Variants in C1R observed in about 807,000 individuals in gnomAD.
The protein encoded by C1R is complement C1r.
In C1R, 15 loss-of-function variants were observed where a neutral mutation model predicts 27.6. The observed-to-expected ratio is 0.54, with a 90% CI of 0.36 to 0.84. C1R has a LOEUF of 0.84. Among genes scored for constraint, C1R ranks in the 40% least tolerant of loss-of-function variants. The pLI, the probability that C1R is intolerant of heterozygous loss-of-function variation, is 0.01. For missense variants in C1R, 544 were observed against 577.9 expected (o/e 0.94, Z 0.60); for synonymous variants, 253 against 228.8 (o/e 1.11, Z -0.95).
At chr12:7,089,233 G>A (rs753916613) in intron 5 of C1R, 60 bp downstream of exon 5, 11 of 746,086 alleles carry the variant, frequency 1.5e-5, no homozygotes, top group Non-Finnish European at 2.7e-5. Context: ...GTTGGGACAA[G>A]AGGAGCCAAG....
At position 7,091,656 on chromosome 12, in the gene C1R, C is replaced by G; in HGVS notation, c.27G>C (p.Pro9=). 1 of 747,120 alleles carries G rather than the reference C, an allele frequency of 1.3e-6. No individual in the cohort carries two copies. Among genetic ancestry groups the G allele is most frequent in the Non-Finnish European group, 2.5e-6 (1 of 400,852 alleles). 46.3% of individuals were successfully genotyped at this position (747,120 alleles called of 1,614,324 possible). A position where few individuals can be genotyped will look rare whatever the true frequency, so the allele number is the denominator to read the frequency against. ...AGCCTCCTGCCCTGCAGAACAGGGCCGGCACCAGGAGGTACAAGAGCCACC... is the reference window on the plus strand; with the variant it reads ...AGCCTCCTGCCCTGCAGAACAGGGCGGGCACCAGGAGGTACAAGAGCCACC... MWLLYLLV[P]ALFCRAGGSI... is the part of the protein sequence containing the mutation. The change falls in exon 2 of 11, where the codon CCG becomes CCC. Residue 9 remains proline, a synonymous_variant. Transcript: ENST00000647956. The surrounding 1 kb of genome is among the most constrained non-coding windows in gnomAD (Gnocchi z 5.1).
chr12:7,084,987 TTGGTGGTGA>T (rs1453057675), intron 9 of C1R, among the ~76,000 whole-genome samples: 6 of 144,354 alleles, frequency 4.2e-5, no homozygotes, highest in South Asian at 2.1e-4. Context: ...GATGATGGTG[TTGGTGGTGA>T]TGGTGGTGGT....
At chr12:7,082,133 G>C in intron 9 of C1R, 27 bp from the exon 10 acceptor site, 1 of 1,333,614 alleles carries the variant, frequency 7.5e-7, no homozygotes, top group Non-Finnish European at 1.0e-6. Context: ...CAAGAATCAA[G>C]TTGGGGGGTG....
At chr12:7,083,552 ACAG>A (rs1286050932) in intron 9 of C1R, among the ~76,000 whole-genome samples, 16 of 141,590 alleles carry the variant, frequency 1.1e-4, no homozygotes, top group South Asian at 4.7e-4. Flanking sequence ...GGTAGTGGCG[ACAG>A]TGGTGTTGGT....
rs1276404134 is a variant in C1R, at chr12:7,092,000, T to TTAA, written c.3-323_3-321dup. On this transcript the variant is annotated intron_variant, in intron 1 of 10. Coordinates refer to ENST00000647956, the MANE Select transcript of C1R (RefSeq NM_001733.7). This position sits in a 1 kb window ranked among gnomAD's most constrained non-coding sequence, Gnocchi z 5.1. ...AGGAATAGGACTGGCTTGGGACCAGTTAATGGAGGGTGAGGGTTTCCACCC... is the reference window on the plus strand; with the variant it reads ...AGGAATAGGACTGGCTTGGGACCAGTTAATAATGGAGGGTGAGGGTTTCCACCC... 3.5e-6 allele frequency: 2 copies of TTAA among 566,794 alleles called. No individual in the cohort carries two copies. Among genetic ancestry groups the TTAA allele is most frequent in the Admixed American group, 2.7e-5 (1 of 37,724 alleles). 35.1% of individuals were successfully genotyped at this position (566,794 alleles called of 1,614,324 possible).
At chr12:7,085,187 G>GT (rs1313325130) in intron 9 of C1R, among the ~76,000 whole-genome samples, 1 of 148,782 alleles carries the variant, frequency 6.7e-6, no homozygotes, top group Non-Finnish European at 1.5e-5. Context: ...AATGGTGGTG[G>GT]TGATAGTGGT....
intron 9 of C1R, 100 bp from the exon 10 acceptor site, chr12:7,082,206 G>A (rs1591587198): frequency 1.4e-6 from 1 of 719,692 alleles, no homozygotes; most frequent in Non-Finnish European, 2.5e-6. Flanking sequence ...GGGGAGAGGG[G>A]CAGGGAGGAG....
chr12:7,084,928 G>A (rs1388454489), intron 9 of C1R, among the ~76,000 whole-genome samples: 1 of 145,158 alleles, frequency 6.9e-6, no homozygotes, highest in Non-Finnish European at 1.5e-5. Context: ...GATGATGGAA[G>A]TGGTGTTAGT....
chr12:7,092,202 A>C, intron 1 of C1R, 185 bp downstream of exon 1: 1 of 655,744 alleles, frequency 1.5e-6, no homozygotes, highest in Non-Finnish European at 2.8e-6. Context: ...TCTATGTATG[A>C]AGTCTCCTCT....
In C1R at chr12:7,090,101, T is replaced by G. The variant is rs747997099; in HGVS notation, c.379A>C (p.Thr127Pro). 1 of 778,090 alleles carries G rather than the reference T, an allele frequency of 1.3e-6. No individual in the cohort carries two copies. The allele number at this position is 778,090 out of a possible 1,614,324, so 48.2% of individuals were successfully genotyped here. A position where few individuals can be genotyped will look rare whatever the true frequency, so the allele number is the denominator to read the frequency against. Reference sequence around the variant, plus strand: ...AGGAAGCCCTTGTAGAACATGATGGTCCCATTCTCCTCGTTGGAGAAGTCT... The same window carrying G: ...AGGAAGCCCTTGTAGAACATGATGGGCCCATTCTCCTCGTTGGAGAAGTCT... ...HTDFSNEENG[T>P]IMFYKGFLAY... The change falls in exon 3 of 11, where the codon ACC becomes CCC. Residue 127 changes from threonine to proline, a missense_variant. Physicochemically the swap from Thr to Pro is conservative, Grantham distance 38 (BLOSUM62 -1). Around this residue, in one of 2 missense-constraint regions of C1R, gnomAD observed 291 missense variants for 209.0 expected, o/e 1.39. Coordinates refer to ENST00000647956, the MANE Select transcript of C1R (RefSeq NM_001733.7).
chr12:7,089,557 C>T (rs1198306861), intron 4 of C1R, 30 bp downstream of exon 4: 4 of 780,824 alleles, frequency 5.1e-6, no homozygotes, highest in Middle Eastern at 2.3e-4. Flanking sequence ...GGCTCAACCC[C>T]TTCCCCTCTG....
In C1R at chr12:7,092,400, C is replaced by G. The variant is rs754756570; in HGVS notation, c.-12G>C. On this transcript the variant is annotated 5_prime_UTR_variant, in exon 1 of 11. Transcript: ENST00000647956. Reference sequence around the variant, plus strand: ...ACCCTTACTCACATTTCTCAAGGCCCGTGTTGAATCCTGGGCTCTCCCGAC... The same window carrying G: ...ACCCTTACTCACATTTCTCAAGGCCGGTGTTGAATCCTGGGCTCTCCCGAC... 1.5e-5 allele frequency: 12 copies of G among 780,728 alleles called. No individual in the cohort carries two copies. The highest frequency in any genetic ancestry group is 2.2e-4 in the Middle Eastern group (1 of 4,462). 48.4% of individuals were successfully genotyped at this position (780,728 alleles called of 1,614,324 possible).
At chr12:7,092,331 C>T (rs1938296551) in intron 1 of C1R, 56 bp downstream of exon 1, 2 of 780,546 alleles carry the variant, frequency 2.6e-6, no homozygotes, top group South Asian at 1.3e-5. Flanking sequence ...CCTCCCATGC[C>T]CTGGCTTCTC....
intron 6 of C1R, 22 bp from the exon 7 acceptor site, chr12:7,088,753 A>G (rs762863929): frequency 2.6e-6 from 2 of 776,288 alleles, no homozygotes; most frequent in African/African-American, 3.4e-5. Flanking sequence ...ACCAGGGGGC[A>G]TATTTATTTC....
chr12:7,090,001 C>A, intron 3 of C1R, 55 bp downstream of exon 3: 2 of 715,272 alleles, frequency 2.8e-6, no homozygotes, highest in South Asian at 1.5e-5. Flanking sequence ...CTTTCTTGGC[C>A]CCCCATTCAA....
At chr12:7,082,624 C>A (rs1421946798) in intron 9 of C1R, among the ~76,000 whole-genome samples, 2 of 152,130 alleles carry the variant, frequency 1.3e-5, no homozygotes, top group Non-Finnish European at 2.9e-5. Context: ...AGCCACCACG[C>A]CTGGCCAGAA....
At position 7,090,149 on chromosome 12, in the gene C1R, T is replaced by C. The variant is rs371144067; in HGVS notation, c.331A>G (p.Lys111Glu). 1 of 774,412 alleles carries C rather than the reference T, an allele frequency of 1.3e-6. No individual in the cohort carries two copies. The highest frequency in any genetic ancestry group is 2.4e-6 in the Non-Finnish European group (1 of 414,960). 48.0% of individuals were successfully genotyped at this position (774,412 alleles called of 1,614,324 possible). The change falls in exon 3 of 11, where the codon AAG (lysine) becomes GAG (glutamate). Residue 111 changes from lysine (K) to glutamate (E), a missense_variant. Around this residue, in one of 2 missense-constraint regions of C1R, gnomAD observed 291 missense variants for 209.0 expected, o/e 1.39. Coordinates refer to ENST00000647956, the MANE Select transcript of C1R (RefSeq NM_001733.7). ...TCTGTGTGGAAGGTCAGCAGCATCT[T>C]GTTCCCTTGGGACATAAATTCCTTC... ...GKKEFMSQGNKMLLTFHTDFS... is the reference protein window; with the variant it reads ...GKKEFMSQGNEMLLTFHTDFS...
chr12:7,086,106 G>A (rs1420557476), intron 8 of C1R, 90 bp from the exon 9 acceptor site: 1 of 398,208 alleles, frequency 2.5e-6, no homozygotes, highest in Non-Finnish European at 4.4e-6. Context: ...CTGCAGAGCA[G>A]GCTCAGAAGC....
Position 7,088,634 on chromosome 12 carries a change from G to A in C1R, c.1014C>T (p.Cys338=). The A allele has an allele frequency of 2.7e-6, 2 of 732,168 alleles. No homozygotes were observed. Among genetic ancestry groups the A allele is most frequent in the Non-Finnish European group, 5.1e-6 (2 of 392,180 alleles). 45.4% of individuals were successfully genotyped at this position (732,168 alleles called of 1,614,324 possible). The change falls in exon 7 of 11, where the codon TGC becomes TGT. Residue 338 remains cysteine (C), a synonymous_variant. Coordinates refer to ENST00000647956, the MANE Select transcript of C1R (RefSeq NM_001733.7). The stretch of plus-strand genomic sequence containing the variant: ...CCTCTATGAGCTGGTAGCCTTGCTT[G>A]CAGGTAGCAATGAAGTAGTCACGGA... The part of the protein sequence containing the change: ...YQFRDYFIAT[C]KQGYQLIEGN...
Sources: gnomAD v4.1 joint callset for allele counts (sites outside exome capture counted in the v4.1 genomes callset) on GRCh38, gnomAD v4.1.1 for gene constraint, gnomAD v4.1.1 regional missense constraint, Gnocchi (gnomAD v3.1) non-coding constraint, MANE v1.5 for transcripts, NCBI Gene and HGNC (gene_info 2026-07-23, HGNC 2026-07-21) for gene names.